The following JDP2 variants were observed in gnomAD, a reference collection of about 807,000 sequenced individuals.
JDP2 encodes Jun dimerization protein 2.
In JDP2, 9 loss-of-function variants were observed where a neutral mutation model predicts 17.1. That is an observed-to-expected ratio of 0.53 (90% CI 0.32 to 0.92). The LOEUF (loss-of-function observed/expected upper bound fraction) is 0.92, where lower values mean the gene tolerates loss of function less well. Among genes scored for constraint, JDP2 ranks in the 40% least tolerant of loss-of-function variants. The probability of loss-of-function intolerance (pLI) is 0.04; values close to 1 mark genes in which losing one functional copy is unlikely to be tolerated. For missense variants in JDP2, 179 were observed against 220.0 expected (o/e 0.81, Z 1.18); for synonymous variants, 107 against 95.6 (o/e 1.12, Z -0.69).
intron 1 of JDP2, among the ~76,000 whole-genome samples, chr14:75,433,547 C>CT (rs11447816): frequency 0.27 from 31,241 of 116,578 alleles, 7,375 homozygotes; most frequent in African/African-American, 0.66. Flanking sequence ...GCTCTCAGAC[C>CT]TTTTTTTTTT....
At chr14:75,441,939 G>A (rs938664551) in intron 2 of JDP2, among the ~76,000 whole-genome samples, 2 of 152,086 alleles carry the variant, frequency 1.3e-5, no homozygotes, top group Non-Finnish European at 2.9e-5. Flanking sequence ...TCAGTTGGGA[G>A]GGGAGGGAGG....
At position 75,431,839 on chromosome 14, in the gene JDP2, C is replaced by T. The variant is rs576384727; in HGVS notation, c.-24+3587C>T. 3.9e-5 allele frequency among the ~76,000 whole-genome samples: 6 copies of T among 152,364 alleles called. No individual in the cohort carries two copies. The South Asian group carries it at 1.2e-3, about 32-fold the overall frequency. On this transcript the variant is annotated intron_variant, in intron 1 of 3. Transcript: ENST00000651602. ...GGGTCATCTGGCACTAGTGCCCCTCCAGGAAGGAAGGCCCTGGTGGCCACA... is the reference window on the plus strand; with the variant it reads ...GGGTCATCTGGCACTAGTGCCCCTCTAGGAAGGAAGGCCCTGGTGGCCACA...
intron 1 of JDP2, 24 bp from the exon 2 acceptor site, chr14:75,437,874 C>G (rs1170249835): frequency 6.5e-7 from 1 of 1,532,150 alleles, no homozygotes; most frequent in Non-Finnish European, 8.8e-7. Context: ...GCTGACTGTC[C>G]TGCTCTTTTC....
At chr14:75,440,067 G>C (rs1885266039) in intron 2 of JDP2, among the ~76,000 whole-genome samples, 1 of 152,100 alleles carries the variant, frequency 6.6e-6, no homozygotes, top group African/African-American at 2.4e-5. Context: ...ATTTGGGTTG[G>C]GTATTTTTAC....
At chr14:75,458,472 C>T (rs1465011440) in intron 2 of JDP2, among the ~76,000 whole-genome samples, 1 of 152,130 alleles carries the variant, frequency 6.6e-6, no homozygotes, top group Non-Finnish European at 1.5e-5. Context: ...ACCTGAGCTC[C>T]ATCTATGTTC....
chr14:75,441,870 T>A (rs1885369735), intron 2 of JDP2, among the ~76,000 whole-genome samples: 1 of 152,114 alleles, frequency 6.6e-6, no homozygotes. Flanking sequence ...TCCCAGGTCA[T>A]CTCCCAGCGA....
intron 2 of JDP2, chr14:75,445,023 T>C (rs1885529898): frequency 1.2e-6 from 1 of 819,882 alleles, no homozygotes; most frequent in African/African-American, 1.9e-5. Context: ...CCAACAATCT[T>C]TTAGCAGCCT....
At chr14:75,451,372 C>T (rs964660195) in intron 2 of JDP2, among the ~76,000 whole-genome samples, 1 of 148,744 alleles carries the variant, frequency 6.7e-6, no homozygotes, top group African/African-American at 2.5e-5. Flanking sequence ...GGATGGCTGG[C>T]GTGATCAAAA....
rs1040669812 is a variant in JDP2, at chr14:75,469,710, G to A, written c.*235G>A. The A allele has an allele frequency of 1.8e-5, 9 of 509,462 alleles. No homozygotes were observed. The highest frequency in any genetic ancestry group is 2.8e-5 in the Non-Finnish European group (8 of 284,366). 31.6% of individuals were successfully genotyped at this position (509,462 alleles called of 1,614,324 possible). ...AGCGCTGAGACCAAAGTTGACCCTC[G>A]GGTAGGGTTGTCCTGCCTGGGGCCC... On this transcript the variant is annotated 3_prime_UTR_variant, in exon 4 of 4. Coordinates refer to ENST00000651602, the MANE Select transcript of JDP2 (RefSeq NM_001135048.2).
At chr14:75,463,592 C>T (rs542848209) in intron 3 of JDP2, among the ~76,000 whole-genome samples, 1 of 152,272 alleles carries the variant, frequency 6.6e-6, no homozygotes, top group South Asian at 2.1e-4. Flanking sequence ...TGCTTCAATT[C>T]AGACATAAAA....
chr14:75,459,205 A>G (rs1594970818), intron 2 of JDP2, among the ~76,000 whole-genome samples: 1 of 152,098 alleles, frequency 6.6e-6, no homozygotes, highest in African/African-American at 2.4e-5. Context: ...GGGAGATTGC[A>G]CCGCCAGCCA....
chr14:75,464,461 A>G (rs1041633719), intron 3 of JDP2, among the ~76,000 whole-genome samples: 3 of 152,212 alleles, frequency 2.0e-5, no homozygotes, highest in African/African-American at 7.2e-5. Flanking sequence ...AGCTATTTAC[A>G]TAGCATTTAC....
chr14:75,459,295 C>A (rs1886248198), intron 2 of JDP2, among the ~76,000 whole-genome samples: 1 of 152,220 alleles, frequency 6.6e-6, no homozygotes, highest in African/African-American at 2.4e-5. Flanking sequence ...TGGGCGGAAT[C>A]AATTTCAGCC....
At chr14:75,441,849 ATCTTGGCCCTTCCCAGG>A (rs1885368707) in intron 2 of JDP2, among the ~76,000 whole-genome samples, 1 of 152,044 alleles carries the variant, frequency 6.6e-6, no homozygotes, top group Non-Finnish European at 1.5e-5. Context: ...TGGCCTGAAG[ATCTTGGCCCTTCCCAGG>A]TCATCTCCCA....
At chr14:75,456,856 A>C (rs1886131801) in intron 2 of JDP2, among the ~76,000 whole-genome samples, 1 of 152,176 alleles carries the variant, frequency 6.6e-6, no homozygotes, top group African/African-American at 2.4e-5. Flanking sequence ...GCTTGAGAGC[A>C]GGCTGTCTGA....
chr14:75,459,538 C>T (rs1731238225), intron 2 of JDP2, among the ~76,000 whole-genome samples: 1 of 152,184 alleles, frequency 6.6e-6, no homozygotes, highest in Admixed American at 6.5e-5. Context: ...GTGCTGGTCT[C>T]GGGCCCAGGC....
rs191480922 is a variant in JDP2 at position 75,441,529 on chromosome 14, G to A, written c.201+3408G>A. 7.2e-5 allele frequency among the ~76,000 whole-genome samples: 11 copies of A among 152,286 alleles called. No homozygotes were observed. In the East Asian group the frequency reaches 1.7e-3, roughly 24 times the overall value. The stretch of plus-strand genomic sequence containing the variant: ...ATCTCTCGGCACCGTATATTGCAGT[G>A]ACGGCATCCAAAAGTAAGCAAATTA... On this transcript the variant is annotated intron_variant, in intron 2 of 3. Coordinates refer to ENST00000651602, the MANE Select transcript of JDP2 (RefSeq NM_001135048.2).
chr14:75,433,256 G>A (rs1443374594), intron 1 of JDP2, among the ~76,000 whole-genome samples: 3 of 128,898 alleles, frequency 2.3e-5, no homozygotes, highest in African/African-American at 8.4e-5. Flanking sequence ...AAAAGTAATC[G>A]CGGGTTTTGC....
chr14:75,466,598 G>C (rs1044567708), intron 3 of JDP2, among the ~76,000 whole-genome samples: 1 of 152,194 alleles, frequency 6.6e-6, no homozygotes, highest in African/African-American at 2.4e-5. Flanking sequence ...ACTGATCTTT[G>C]TGTGTGATAC....
Sources: gnomAD v4.1 joint callset for allele counts (sites outside exome capture counted in the v4.1 genomes callset) on GRCh38, gnomAD v4.1.1 for gene constraint, MANE v1.5 for transcripts, NCBI Gene and HGNC (gene_info 2026-07-23, HGNC 2026-07-21) for gene names.